The following DACH1 variants were observed in gnomAD, a reference collection of about 807,000 sequenced individuals.
DACH1 encodes dachshund homolog 1.
A neutral mutation model predicts 54.2 loss-of-function variants in DACH1; 12 were observed. That is an observed-to-expected ratio of 0.22 (90% CI 0.14 to 0.36). DACH1 has a LOEUF of 0.36. Among genes scored for constraint, DACH1 ranks in the 10% least tolerant of loss-of-function variants. The pLI is 1.00. For synonymous variants in DACH1, 386 were observed against 366.2 expected, an observed-to-expected ratio of 1.05 and a Z score of -0.62; for missense variants, 805 against 929.8, an observed-to-expected ratio of 0.87 and a Z score of 1.75.
At chr13:71,718,856 G>A (rs949278984) in intron 1 of DACH1, among the ~76,000 whole-genome samples, 1 of 152,014 alleles carries the variant, frequency 6.6e-6, no homozygotes, top group Admixed American at 6.6e-5. Flanking sequence ...TATTTCCTTA[G>A]GATCTTATGT....
intron 2 of DACH1, among the ~76,000 whole-genome samples, chr13:71,674,440 TACAC>T (rs57078245): frequency 0.19 from 26,999 of 140,820 alleles, 2,632 homozygotes; most frequent in African/African-American, 0.25. Context: ...AGGGAGATTT[TACAC>T]ACACACACAC....
At chr13:71,774,208 A>G (rs1885974896) in intron 1 of DACH1, among the ~76,000 whole-genome samples, 1 of 152,288 alleles carries the variant, frequency 6.6e-6, no homozygotes, top group South Asian at 2.1e-4. Flanking sequence ...GCATACACCT[A>G]AAGTTCCACT....
rs1214818814 is a variant in DACH1 at position 71,439,659 on chromosome 13, G to A, written c.*996C>T. 6.6e-6 allele frequency: 1 copy of A among 152,386 alleles called. No homozygotes were observed. The highest frequency in any genetic ancestry group is 1.5e-5 in the Non-Finnish European group (1 of 67,902). The allele number at this position is 152,386 out of a possible 1,614,324, so 9.4% of individuals were successfully genotyped here. ...ACACAGAGTTCTGATGTCACCAGAT[G>A]CTTAAGATCTCATTCATTAATACTG... On this transcript the variant is annotated 3_prime_UTR_variant, in exon 11 of 11. Coordinates refer to ENST00000613252, the MANE Select transcript of DACH1 (RefSeq NM_080759.6).
intron 6 of DACH1, among the ~76,000 whole-genome samples, chr13:71,544,370 T>C (rs1321598570): frequency 1.3e-5 from 2 of 152,166 alleles, no homozygotes; most frequent in African/African-American, 2.4e-5. Flanking sequence ...CTTCTCAGTA[T>C]GGTTTGAAAA....
At chr13:71,540,521 A>G (rs1335630912) in intron 6 of DACH1, among the ~76,000 whole-genome samples, 1 of 152,114 alleles carries the variant, frequency 6.6e-6, no homozygotes, top group Non-Finnish European at 1.5e-5. Context: ...GCCTTTGGTC[A>G]TGTCATTCTT....
chr13:71,651,179 A>G (rs924044235), intron 2 of DACH1, among the ~76,000 whole-genome samples: 1 of 152,096 alleles, frequency 6.6e-6, no homozygotes, highest in Non-Finnish European at 1.5e-5. Context: ...TGTTGATATC[A>G]TCATGGAACT....
chr13:71,765,633 C>T (rs1353512238), intron 1 of DACH1, among the ~76,000 whole-genome samples: 1 of 152,160 alleles, frequency 6.6e-6, no homozygotes, highest in African/African-American at 2.4e-5. Flanking sequence ...CTCCAGCCAT[C>T]TTTAAACAGT....
chr13:71,677,139 C>T (rs1449898199), intron 2 of DACH1, among the ~76,000 whole-genome samples: 5 of 151,988 alleles, frequency 3.3e-5, no homozygotes, highest in Admixed American at 3.3e-4. Flanking sequence ...ATTTTGAATT[C>T]CTAAATAACC....
intron 1 of DACH1, among the ~76,000 whole-genome samples, chr13:71,703,259 G>T (rs1302893157): frequency 6.6e-6 from 1 of 151,992 alleles, no homozygotes; most frequent in Non-Finnish European, 1.5e-5. Context: ...ATTATAGAAG[G>T]TTTTCCTCCT....
chr13:71,689,233 C>T (rs1386521292), intron 1 of DACH1, among the ~76,000 whole-genome samples: 1 of 152,192 alleles, frequency 6.6e-6, no homozygotes, highest in Non-Finnish European at 1.5e-5. Flanking sequence ...CAGCAATTCA[C>T]ATATTCCACC....
At chr13:71,743,894 C>T (rs1257077803) in intron 1 of DACH1, among the ~76,000 whole-genome samples, 5 of 151,944 alleles carry the variant, frequency 3.3e-5, no homozygotes, top group South Asian at 2.1e-4. Flanking sequence ...TGTTGAAAGT[C>T]GACTGATTTA....
At chr13:71,540,229 T>C (rs1883047541) in intron 6 of DACH1, among the ~76,000 whole-genome samples, 1 of 151,834 alleles carries the variant, frequency 6.6e-6, no homozygotes, top group African/African-American at 2.4e-5. Flanking sequence ...TTTAATCAGG[T>C]AATCTACACA....
At chr13:71,480,929 C>A (rs1174611817) in intron 7 of DACH1, among the ~76,000 whole-genome samples, 2 of 137,366 alleles carry the variant, frequency 1.5e-5, no homozygotes, top group Admixed American at 1.6e-4. Context: ...AGAAAGATTT[C>A]TCCGTGGCAG....
chr13:71,647,171 GA>G (rs1878341587), intron 2 of DACH1, among the ~76,000 whole-genome samples: 2 of 152,162 alleles, frequency 1.3e-5, no homozygotes. Context: ...CTGAGATTCT[GA>G]ACACTGCCAC....
At chr13:71,681,512 T>C (rs1297380697) in intron 2 of DACH1, among the ~76,000 whole-genome samples, 1 of 152,188 alleles carries the variant, frequency 6.6e-6, no homozygotes, top group Non-Finnish European at 1.5e-5. Context: ...CTTTGATTCC[T>C]TAATAAGAAA....
At chr13:71,855,892 T>C (rs1873969940) in intron 1 of DACH1, among the ~76,000 whole-genome samples, 1 of 148,802 alleles carries the variant, frequency 6.7e-6, no homozygotes, top group Non-Finnish European at 1.5e-5. Context: ...GAGAAATTGA[T>C]TAAAAAGTAC....
intron 6 of DACH1, among the ~76,000 whole-genome samples, chr13:71,493,189 G>T (rs567062339): frequency 6.6e-6 from 1 of 151,948 alleles, no homozygotes; most frequent in African/African-American, 2.4e-5. Flanking sequence ...ACAGAGATTT[G>T]GTTATAAAAT....
chr13:71,481,283 C>T (rs34771966), intron 7 of DACH1, among the ~76,000 whole-genome samples: 16,335 of 152,222 alleles, frequency 0.11, 1,167 homozygotes, highest in Admixed American at 0.16. Flanking sequence ...TTATCAGTAG[C>T]TGTTTAAAAT....
rs140396730 is a variant in DACH1 at position 71,518,561 on chromosome 13, A to G, written c.1571-29413T>C. On this transcript the variant is annotated intron_variant, in intron 6 of 10. Coordinates refer to ENST00000613252, the MANE Select transcript of DACH1 (RefSeq NM_080759.6). Reference sequence around the variant, plus strand: ...TTATAGCAATTCCATTAGGTATGAGATGATTTCCTTTGCTTTCAAAATAAG... The same window carrying G: ...TTATAGCAATTCCATTAGGTATGAGGTGATTTCCTTTGCTTTCAAAATAAG... Among the ~76,000 whole-genome samples, 275 of 151,986 alleles carry G rather than the reference A, an allele frequency of 1.8e-3. 1 individual carries two copies. The highest frequency in any genetic ancestry group is 0.017 in the Middle Eastern group (5 of 294).
Sources: allele counts gnomAD v4.1 joint callset (sites outside exome capture counted in the v4.1 genomes callset), GRCh38; gene constraint gnomAD v4.1.1; transcripts MANE v1.5; gene names NCBI Gene and HGNC (gene_info 2026-07-23, HGNC 2026-07-21).